The following ITPR3 variants were observed in gnomAD, a reference collection of about 807,000 sequenced individuals.
ITPR3 encodes the protein inositol 1,4,5-trisphosphate receptor type 3, also known as inositol 1,4,5-trisphosphate-gated calcium channel ITPR3.
In ITPR3, 173 loss-of-function variants were observed where a neutral mutation model predicts 293.2. That is an observed-to-expected ratio of 0.59 (90% CI 0.52 to 0.67). The LOEUF (loss-of-function observed/expected upper bound fraction) is 0.67, where lower values mean the gene tolerates loss of function less well. Ranked by LOEUF, ITPR3 falls within the 30% of genes least tolerant of loss-of-function variation. The pLI, the probability that ITPR3 is intolerant of heterozygous loss-of-function variation, is 0.00. For synonymous variants in ITPR3, 1,295 were observed against 1,444.4 expected (o/e 0.90, Z 2.35); for missense variants, 2,796 against 3,592.1 (o/e 0.78, Z 5.66).
rs141238136 is a variant in ITPR3, at chr6:33,655,857, C to T, written c.252C>T (p.Ile84=). 142 of 1,614,036 alleles carry T rather than the reference C, an allele frequency of 8.8e-5. No individual in the cohort carries two copies. The African/African-American group carries it at 1.2e-3, about 14-fold the overall frequency. Residue 84 remains isoleucine, a synonymous_variant, in exon 3 of 58, where the codon ATC becomes ATT. Coordinates refer to ENST00000605930, the MANE Select transcript of ITPR3 (RefSeq NM_002224.4). This position sits in a 1 kb window ranked among gnomAD's most constrained non-coding sequence, Gnocchi z 4.9. ...AKQTKQDKEK[I]ADVVLLQKLQ... ...AGACTAAGCAGGACAAGGAGAAGAT[C>T]GCTGATGTGGTGTTGCTGCAGAAGC... is the stretch of plus-strand genomic sequence containing the variant.
chr6:33,690,967 T>G lies in ITPR3; in HGVS notation c.7083T>G (p.Ser2361Arg). 6.2e-7 allele frequency: 1 copy of G among 1,614,006 alleles called. No homozygotes were observed. Among genetic ancestry groups the G allele is most frequent in the Non-Finnish European group, 8.5e-7 (1 of 1,179,984 alleles). Residue 2361 changes from serine (S) to arginine (R), a missense_variant, in exon 52 of 58, where the codon AGT (serine) becomes AGG (arginine). Ser to Arg is a moderately radical substitution (Grantham distance 110, BLOSUM62 -1). This residue lies in a region of ITPR3 where 568 missense variants were observed against 796.1 expected (regional missense o/e 0.71). Coordinates refer to ENST00000605930, the MANE Select transcript of ITPR3 (RefSeq NM_002224.4). ...AGACGCTGTTCAACGTCATCAAGAG[T>G]GTGACCCGCAATGGCCGCTCCATCC... is the stretch of plus-strand genomic sequence containing the variant. ...REETLFNVIK[S>R]VTRNGRSILL...
chr6:33,693,555 G>A lies in ITPR3; in HGVS notation c.7635G>A (p.Arg2545=), dbSNP rs1765453017. 2 of 1,613,938 alleles carry A rather than the reference G, an allele frequency of 1.2e-6. No individual in the cohort carries two copies. Among genetic ancestry groups the A allele is most frequent in the African/African-American group, 1.3e-5 (1 of 74,916 alleles). ...KTTCFICGLE[R]DKFDNKTVSF... ...CCTCTGCACCCTCAGGTCTGGAGAG[G>A]GACAAGTTTGATAACAAGACAGTGT... The change falls in exon 56 of 58, where the codon AGG becomes AGA. Residue 2545 remains arginine, a synonymous_variant. Coordinates refer to ENST00000605930, the MANE Select transcript of ITPR3 (RefSeq NM_002224.4).
At chr6:33,640,448 C>G in intron 1 of ITPR3, 36 bp from the exon 2 acceptor site, 1 of 1,603,780 alleles carries the variant, frequency 6.2e-7, no homozygotes, top group Non-Finnish European at 8.5e-7. Context: ...AGATAGGTCT[C>G]TTCTCTCCTG....
At chr6:33,680,173 G>A (rs769853701) in intron 31 of ITPR3, 40 bp downstream of exon 31, 4 of 1,601,842 alleles carry the variant, frequency 2.5e-6, no homozygotes, top group Middle Eastern at 1.7e-4. Context: ...TGGAGATGGG[G>A]CGAAGGGGTG....
In ITPR3 at chr6:33,655,748, C is replaced by T. The variant is rs777771192; in HGVS notation, c.161-18C>T. On this transcript the variant is annotated intron_variant, in intron 2 of 57. Coordinates refer to ENST00000605930, the MANE Select transcript of ITPR3 (RefSeq NM_002224.4). The surrounding 1 kb of genome is among the most constrained non-coding windows in gnomAD (Gnocchi z 4.9). ...CCAGATGAATCATTCCCCTCACCCCCAACCTGCCCCACCACAGACTGCCTC... is the reference window on the plus strand; with the variant it reads ...CCAGATGAATCATTCCCCTCACCCCTAACCTGCCCCACCACAGACTGCCTC... 3.7e-6 allele frequency: 6 copies of T among 1,613,934 alleles called. No individual in the cohort carries two copies. The highest frequency in any genetic ancestry group is 5.1e-6 in the Non-Finnish European group (6 of 1,179,912).
intron 7 of ITPR3, among the ~76,000 whole-genome samples, chr6:33,660,311 G>A (rs1044539130): frequency 1.3e-5 from 2 of 152,012 alleles, no homozygotes; most frequent in African/African-American, 4.8e-5. Flanking sequence ...ACAGGTGACA[G>A]GCCCGAGAGC....
In ITPR3 at chr6:33,621,700, G is replaced by C; in HGVS notation, c.89+9G>C. 6.3e-7 allele frequency: 1 copy of C among 1,596,218 alleles called. No homozygotes were observed. Among genetic ancestry groups the C allele is most frequent in the Non-Finnish European group, 8.5e-7 (1 of 1,170,852 alleles). On this transcript the variant is annotated intron_variant, in intron 1 of 57. Transcript: ENST00000605930. The surrounding 1 kb of genome is among the most constrained non-coding windows in gnomAD (Gnocchi z 7.7). ...TTCATCAGCACTTTGGGGTGAGTGA[G>C]CCGAGCTCGAGAGGGGCGCGGGTAA...
chr6:33,674,702 T>G (rs1441628402), intron 24 of ITPR3, among the ~76,000 whole-genome samples: 1 of 152,248 alleles, frequency 6.6e-6, no homozygotes, highest in East Asian at 1.9e-4. Context: ...GGACTGCTTT[T>G]CAGAATGGTG....
rs920614036 is a variant in ITPR3 at position 33,654,468 on chromosome 6, C to T, written c.161-1298C>T. On this transcript the variant is annotated intron_variant, in intron 2 of 57. Transcript: ENST00000605930. This position sits in a 1 kb window ranked among gnomAD's most constrained non-coding sequence, Gnocchi z 4.1. ...GTTCTGTCTTCCTTGATCTTTGGTTCACTCTGTTTCTACTCCCGATGGTCC... is the reference window on the plus strand; with the variant it reads ...GTTCTGTCTTCCTTGATCTTTGGTTTACTCTGTTTCTACTCCCGATGGTCC... 1.3e-5 allele frequency among the ~76,000 whole-genome samples: 2 copies of T among 152,118 alleles called. No individual in the cohort carries two copies. The highest frequency in any genetic ancestry group is 4.8e-5 in the African/African-American group (2 of 41,424).
chr6:33,623,177 G>C (rs1043557984), intron 1 of ITPR3, among the ~76,000 whole-genome samples: 7 of 152,024 alleles, frequency 4.6e-5, no homozygotes, highest in African/African-American at 1.5e-4. Context: ...GAGAGGGTGT[G>C]GGGACTGGGA....
chr6:33,669,070 C>T lies in ITPR3; in HGVS notation c.2103C>T (p.Asn701=), dbSNP rs767808569. 9 of 1,614,190 alleles carry T rather than the reference C, an allele frequency of 5.6e-6. No individual in the cohort carries two copies. Among genetic ancestry groups the T allele is most frequent in the African/African-American group, 5.3e-5 (4 of 75,046 alleles). The change falls in exon 18 of 58, where the codon AAC becomes AAT. Residue 701 remains asparagine (N), a synonymous_variant. Coordinates refer to ENST00000605930, the MANE Select transcript of ITPR3 (RefSeq NM_002224.4). ...EVWLTWTDKN[N]EHHEKSVRQL... ...GGCTCACGTGGACTGACAAGAATAA[C>T]GAGCATCATGAGAAGAGTGTGAGGC... is the stretch of plus-strand genomic sequence containing the variant.
chr6:33,671,368 G>A, intron 21 of ITPR3, 62 bp downstream of exon 21: 2 of 1,264,688 alleles, frequency 1.6e-6, no homozygotes, highest in Non-Finnish European at 2.2e-6. Flanking sequence ...AGCACAGGAA[G>A]TTCCCTCAGA....
At chr6:33,649,236 T>C (rs1238473472) in intron 2 of ITPR3, among the ~76,000 whole-genome samples, 1 of 151,704 alleles carries the variant, frequency 6.6e-6, no homozygotes, top group African/African-American at 2.4e-5. Flanking sequence ...TATTTTGTTT[T>C]TGTTTTGAGA....
Position 33,682,655 on chromosome 6 carries a change from CG to C in ITPR3, c.4597+15del. 1.3e-6 allele frequency: 2 copies of C among 1,590,276 alleles called. No individual in the cohort carries two copies. Among genetic ancestry groups the C allele is most frequent in the Non-Finnish European group, 1.7e-6 (2 of 1,170,686 alleles). On this transcript the variant is annotated intron_variant, in intron 34 of 57. Transcript: ENST00000605930. This position sits in a 1 kb window ranked among gnomAD's most constrained non-coding sequence, Gnocchi z 5.4. ...CCCTCGCCATGGTGGGTGAGTGTGC[CG>C]GGGCACTGGCCAGCCCCAAACCACT...
At chr6:33,671,926 CAT>C in intron 21 of ITPR3, 101 bp from the exon 22 acceptor site, 1 of 1,149,562 alleles carries the variant, frequency 8.7e-7, no homozygotes, top group African/African-American at 1.5e-5. Flanking sequence ...CTGCAGCTGA[CAT>C]AAACAGATTA....
At position 33,691,702 on chromosome 6, in the gene ITPR3, T is replaced by G. The variant is rs1765396486; in HGVS notation, c.7313T>G (p.Val2438Gly). 1.9e-6 allele frequency: 3 copies of G among 1,613,856 alleles called. No homozygotes were observed. The African/African-American group carries it at 4.0e-5, about 22-fold the overall frequency. The change falls in exon 53 of 58, where the codon GTG becomes GGG. Residue 2438 changes from valine to glycine, a missense_variant. Val to Gly is a moderately radical substitution (Grantham distance 109, BLOSUM62 -3). This residue lies in a region of ITPR3 where 568 missense variants were observed against 796.1 expected (regional missense o/e 0.71). Transcript: ENST00000605930. The surrounding 1 kb of genome is among the most constrained non-coding windows in gnomAD (Gnocchi z 4.9). ...ATGGACTGTGTCTCAGGGCTCTCGG[T>G]GCCTGAGGTCCTGGAAGGTGAGGGT... The part of the protein sequence containing the change: ...DKMDCVSGLS[V>G]PEVLEEDREL...
chr6:33,695,760 C>T lies in ITPR3; in HGVS notation c.7996C>T (p.Gln2666Ter), dbSNP rs1427669958. The change falls in exon 58 of 58, where the codon CAG becomes TAG. Residue 2666 changes from glutamine (Q) to a stop codon, truncating the protein, a stop_gained. Coordinates refer to ENST00000605930, the MANE Select transcript of ITPR3 (RefSeq NM_002224.4). LOFTEE classifies it high-confidence loss of function. ...RRQRLGFVDV[Q>*]NCISR Reference sequence around the variant, plus strand: ...GCAACGCCTAGGCTTTGTGGATGTCCAGAACTGCATTAGCCGCTGAGGAGA... The same window carrying T: ...GCAACGCCTAGGCTTTGTGGATGTCTAGAACTGCATTAGCCGCTGAGGAGA... 6.2e-7 allele frequency: 1 copy of T among 1,614,128 alleles called. No individual in the cohort carries two copies. Among genetic ancestry groups the T allele is most frequent in the South Asian group, 1.1e-5 (1 of 91,090 alleles).
rs767956995 is a variant in ITPR3, at chr6:33,689,187, G to A, written c.6695-51G>A. ...TTCGGCACCTGTTGGACCTGCTCTG[G>A]GGCCGTGGTGGGCTTGAGGGAGCCC... On this transcript the variant is annotated intron_variant, in intron 49 of 57. Coordinates refer to ENST00000605930, the MANE Select transcript of ITPR3 (RefSeq NM_002224.4). 189 of 1,593,346 alleles carry A rather than the reference G, an allele frequency of 1.2e-4. 2 individuals carry two copies. In the Admixed American group the frequency reaches 3.1e-3, roughly 26 times the overall value.
In ITPR3 at chr6:33,665,835, G is replaced by C. The variant is rs748832447; in HGVS notation, c.1410G>C (p.Arg470Ser). The stretch of plus-strand genomic sequence containing the variant: ...GTCATCCCCGGGTCCCCTCACCCAG[G>C]TTTGTCATCCAGCTGCTGGAAGACC... ...NEGFISQNDRRFVIQLLEDLV... is the reference protein window; with the variant it reads ...NEGFISQNDRSFVIQLLEDLV... Residue 470 changes from arginine to serine, a missense_variant and splice_region_variant, in exon 14 of 58, where the codon AGG (arginine) becomes AGC (serine). By Grantham distance (110) the Arg-to-Ser change is moderately radical (BLOSUM62 -1). Transcript: ENST00000605930. 1 of 1,614,016 alleles carries C rather than the reference G, an allele frequency of 6.2e-7. No individual in the cohort carries two copies. Among genetic ancestry groups the C allele is most frequent in the African/African-American group, 1.3e-5 (1 of 75,048 alleles).
Sources: gnomAD v4.1 joint callset for allele counts (sites outside exome capture counted in the v4.1 genomes callset) on GRCh38, gnomAD v4.1.1 for gene constraint, gnomAD v4.1.1 regional missense constraint, Gnocchi (gnomAD v3.1) non-coding constraint, MANE v1.5 for transcripts, NCBI Gene and HGNC (gene_info 2026-07-23, HGNC 2026-07-21) for gene names.